The following ANKRD17 variants were observed in gnomAD, a reference collection of about 807,000 sequenced individuals.
The protein encoded by ANKRD17 is ankyrin repeat domain 17, also known as ankyrin repeat domain-containing protein 17.
ANKRD17 carries 19 observed loss-of-function variants against 229.7 expected under a neutral mutation model. The ratio of observed to expected loss-of-function variants is 0.08; its 90% CI spans 0.06 to 0.12. The LOEUF (loss-of-function observed/expected upper bound fraction) is 0.12, where lower values mean the gene tolerates loss of function less well. Ranked by LOEUF, ANKRD17 falls within the 10% of genes least tolerant of loss-of-function variation. ANKRD17 has a pLI of 1.00. For synonymous variants in ANKRD17, 1,112 were observed against 1,146.1 expected (o/e 0.97, Z 0.60); for missense variants, 2,176 against 3,176.8 (o/e 0.68, Z 7.57).
intron 24 of ANKRD17, among the ~76,000 whole-genome samples, chr4:73,108,076 G>A (rs182403178): frequency 1.3e-5 from 2 of 152,130 alleles, no homozygotes; most frequent in Admixed American, 6.5e-5. Context: ...ACAGCTCACC[G>A]CAGTGACCTC....
intron 1 of ANKRD17, among the ~76,000 whole-genome samples, chr4:73,231,379 C>T (rs1483261784): frequency 1.3e-5 from 2 of 152,162 alleles, no homozygotes; most frequent in African/African-American, 2.4e-5. Context: ...TCCTCTGGTT[C>T]CTTAATGGTC....
At chr4:73,128,893 G>C (rs560369520) in intron 16 of ANKRD17, among the ~76,000 whole-genome samples, 8 of 152,152 alleles carry the variant, frequency 5.3e-5, no homozygotes, top group African/African-American at 1.9e-4. Flanking sequence ...AGAAATTTGG[G>C]TTAATATTAA....
At position 73,102,515 on chromosome 4, in the gene ANKRD17, A is replaced by T. The variant is rs776500962; in HGVS notation, c.4434T>A (p.Ala1478=). 6.1e-5 allele frequency: 97 copies of T among 1,600,292 alleles called. No homozygotes were observed. The highest frequency in any genetic ancestry group is 8.2e-5 in the Non-Finnish European group (96 of 1,177,418). ...TCTCTTTTCTTTTTTCTCTTTTCGC[A>T]GCCAAAGCCAGCCTCCGACTTTCTT... is the stretch of plus-strand genomic sequence containing the variant. The part of the protein sequence containing the change: ...LREESRRLAL[A]AKREKRKEKR... The change falls in exon 25 of 34, where the codon GCT becomes GCA. Residue 1478 remains alanine (A), a synonymous_variant. Coordinates refer to ENST00000358602, the MANE Select transcript of ANKRD17 (RefSeq NM_032217.5).
intron 16 of ANKRD17, among the ~76,000 whole-genome samples, chr4:73,125,549 A>G (rs1225377872): frequency 1.3e-5 from 2 of 152,102 alleles, no homozygotes; most frequent in African/African-American, 4.8e-5. Flanking sequence ...CCTGGCCAAC[A>G]TGGTGAAACC....
intron 1 of ANKRD17, among the ~76,000 whole-genome samples, chr4:73,191,630 A>G (rs1207657532): frequency 6.6e-6 from 1 of 151,946 alleles, no homozygotes; most frequent in Non-Finnish European, 1.5e-5. Context: ...TATAATGTAC[A>G]TATTAAAAAG....
In ANKRD17 at chr4:73,091,641, C is replaced by T; in HGVS notation, c.5987G>A (p.Arg1996Lys). The T allele has an allele frequency of 1.2e-6, 2 of 1,614,174 alleles. No individual in the cohort carries two copies. The highest frequency in any genetic ancestry group is 1.7e-6 in the Non-Finnish European group (2 of 1,180,028). The change falls in exon 29 of 34, where the codon AGG (arginine) becomes AAG (lysine). Residue 1996 changes from arginine to lysine, a missense_variant. Around this residue, in one of 18 missense-constraint regions of ANKRD17, gnomAD observed 424 missense variants for 454.0 expected, o/e 0.93. Coordinates refer to ENST00000358602, the MANE Select transcript of ANKRD17 (RefSeq NM_032217.5). ...NGSPSSPSVR[R>K]QLFVTVVKTS... ...CTTCACAACTGTGACAAAAAGCTGCCTTCGGACAGAAGGTGAACTTGGACT... is the reference window on the plus strand; with the variant it reads ...CTTCACAACTGTGACAAAAAGCTGCTTTCGGACAGAAGGTGAACTTGGACT...
At chr4:73,084,424 A>C (rs957378389) in intron 30 of ANKRD17, among the ~76,000 whole-genome samples, 8 of 151,810 alleles carry the variant, frequency 5.3e-5, no homozygotes, top group African/African-American at 1.5e-4. Flanking sequence ...ATAATGTGAA[A>C]TCTGTTGTGT....
chr4:73,096,911 A>C (rs1177127311), intron 27 of ANKRD17, among the ~76,000 whole-genome samples: 2 of 152,214 alleles, frequency 1.3e-5, no homozygotes, highest in Non-Finnish European at 2.9e-5. Flanking sequence ...TCTCAAAGCA[A>C]ACTCCAATAC....
intron 1 of ANKRD17, among the ~76,000 whole-genome samples, chr4:73,257,770 A>C (rs1745586172): frequency 6.6e-6 from 1 of 152,146 alleles, no homozygotes; most frequent in Admixed American, 6.5e-5. Context: ...ACATACACAA[A>C]CACTTAGCTC....
Position 73,139,888 on chromosome 4 carries a change from C to T in ANKRD17, c.2728G>A (p.Gly910Arg). The T allele has an allele frequency of 3.1e-6, 5 of 1,614,164 alleles. No individual in the cohort carries two copies. Among genetic ancestry groups the T allele is most frequent in the Non-Finnish European group, 4.2e-6 (5 of 1,180,018 alleles). The change falls in exon 15 of 34, where the codon GGA becomes AGA. Residue 910 changes from glycine (G) to arginine (R), a missense_variant. This residue lies in a region of ANKRD17 where 230 missense variants were observed against 252.3 expected (regional missense o/e 0.91). Transcript: ENST00000358602. ...QQQQQSCQHL[G>R]LLTPVGVGEQ... ...CCAACTCCAACAGGAGTTAGTAATCCCAGGTGTTGGCAAGACTGTTGCTGC... is the reference window on the plus strand; with the variant it reads ...CCAACTCCAACAGGAGTTAGTAATCTCAGGTGTTGGCAAGACTGTTGCTGC...
chr4:73,226,007 G>A (rs1377558262), intron 1 of ANKRD17, among the ~76,000 whole-genome samples: 5 of 107,936 alleles, frequency 4.6e-5, no homozygotes, highest in African/African-American at 1.5e-4. Flanking sequence ...GCGGAGTCTC[G>A]CTCTGTTGCC....
rs1745277424 is a variant in ANKRD17, at chr4:73,254,387, A to G, written c.393+3889T>C. Among the ~76,000 whole-genome samples, 3 of 152,204 alleles carry G rather than the reference A, an allele frequency of 2.0e-5. No homozygotes were observed. In the South Asian group the frequency reaches 6.2e-4, roughly 32 times the overall value. ...AGTCACAGGTTACTTACAAAAACAG[A>G]TGAAATTCTGATCAACTCCTACTGT... On this transcript the variant is annotated intron_variant, in intron 1 of 33. Coordinates refer to ENST00000358602, the MANE Select transcript of ANKRD17 (RefSeq NM_032217.5).
chr4:73,094,345 A>G, intron 27 of ANKRD17, 117 bp from the exon 28 acceptor site: 1 of 927,652 alleles, frequency 1.1e-6, no homozygotes, highest in Non-Finnish European at 1.6e-6. Flanking sequence ...ATATTGTTGA[A>G]TAAGCCTCTT....
rs1398862551 is a variant in ANKRD17, at chr4:73,151,514, C to T, written c.1245G>A (p.Glu415=). ...CTGCTTCCAAAAGAAATCGCACCAT[C>T]TCTAAGTGTCCTAAACCAAAAGTGT... The part of the protein sequence containing the change: ...LTLACYKGHL[E]MVRFLLEAGA... The change falls in exon 7 of 34, where the codon GAG becomes GAA. Residue 415 remains glutamate, a synonymous_variant. Coordinates refer to ENST00000358602, the MANE Select transcript of ANKRD17 (RefSeq NM_032217.5). 4 of 1,599,912 alleles carry T rather than the reference C, an allele frequency of 2.5e-6. No individual in the cohort carries two copies. Among genetic ancestry groups the T allele is most frequent in the East Asian group, 4.5e-5 (2 of 44,202 alleles).
chr4:73,209,417 A>G (rs1739954570), intron 1 of ANKRD17, among the ~76,000 whole-genome samples: 1 of 152,232 alleles, frequency 6.6e-6, no homozygotes, highest in African/African-American at 2.4e-5. Context: ...TGAAATTGAC[A>G]AAGTCCTTGC....
At chr4:73,158,976 T>C (rs1217387852) in intron 3 of ANKRD17, among the ~76,000 whole-genome samples, 2 of 152,224 alleles carry the variant, frequency 1.3e-5, no homozygotes, top group Non-Finnish European at 2.9e-5. Context: ...TCAGGAATCC[T>C]GTTACACGCA....
rs1383420041 is a variant in ANKRD17, at chr4:73,074,261, T to C, written c.*1970A>G. The C allele has an allele frequency of 6.6e-6, 1 of 151,918 alleles. No individual in the cohort carries two copies. The highest frequency in any genetic ancestry group is 1.5e-5 in the Non-Finnish European group (1 of 67,860). The allele number at this position is 151,918 out of a possible 1,614,324, so 9.4% of individuals were successfully genotyped here. On this transcript the variant is annotated 3_prime_UTR_variant, in exon 34 of 34. Coordinates refer to ENST00000358602, the MANE Select transcript of ANKRD17 (RefSeq NM_032217.5). ...AACACAACTCATGTGTTGTAATAAA[T>C]ATTGGATAGCATCTGTTCTCCAGCA...
intron 1 of ANKRD17, among the ~76,000 whole-genome samples, chr4:73,234,640 GA>G (rs1448294027): frequency 6.6e-6 from 1 of 152,230 alleles, no homozygotes; most frequent in Non-Finnish European, 1.5e-5. Context: ...ACCTGGATAG[GA>G]AGTCAAGTTG....
At chr4:73,083,926 T>C (rs1190304219) in intron 30 of ANKRD17, among the ~76,000 whole-genome samples, 10 of 140,412 alleles carry the variant, frequency 7.1e-5, no homozygotes, top group African/African-American at 2.6e-4. Flanking sequence ...AGAAATTTGA[T>C]AGTTAAAAAA....
Sources: gnomAD v4.1 joint callset for allele counts (sites outside exome capture counted in the v4.1 genomes callset) on GRCh38, gnomAD v4.1.1 for gene constraint, gnomAD v4.1.1 regional missense constraint, MANE v1.5 for transcripts, NCBI Gene and HGNC (gene_info 2026-07-23, HGNC 2026-07-21) for gene names.